The following CRYBG3 variants were observed in gnomAD, a reference collection of about 807,000 sequenced individuals.
CRYBG3 encodes the protein crystallin beta-gamma domain containing 3.
A neutral mutation model predicts 244.2 loss-of-function variants in CRYBG3; 127 were observed. The observed-to-expected ratio is 0.52, with a 90% CI of 0.45 to 0.60. The LOEUF is 0.60. Among genes scored for constraint, CRYBG3 ranks in the 20% least tolerant of loss-of-function variants. The pLI is 0.00. For synonymous variants in CRYBG3, 1,132 were observed against 1,195.8 expected (o/e 0.95, Z 1.10); for missense variants, 3,325 against 3,442.5 (o/e 0.97, Z 0.85).
chr3:97,915,792 T>C, intron 17 of CRYBG3, 56 bp downstream of exon 17: 6 of 1,344,874 alleles, frequency 4.5e-6, no homozygotes, highest in Non-Finnish European at 5.2e-6. Context: ...CCAGTTTAAT[T>C]ACCACCAATG....
At chr3:97,940,870 C>T (rs2040220545) in intron 19 of CRYBG3, among the ~76,000 whole-genome samples, 1 of 151,938 alleles carries the variant, frequency 6.6e-6, no homozygotes, top group African/African-American at 2.4e-5. Flanking sequence ...CACCCCACTC[C>T]TCACCACATG....
chr3:97,823,244 G>A (rs2038531920), intron 1 of CRYBG3, among the ~76,000 whole-genome samples: 2 of 152,112 alleles, frequency 1.3e-5, no homozygotes, highest in South Asian at 4.1e-4. Flanking sequence ...CTTATGAGAG[G>A]CTTACACTGT....
chr3:97,857,572 T>C (rs899216396), intron 2 of CRYBG3, among the ~76,000 whole-genome samples: 3 of 152,128 alleles, frequency 2.0e-5, no homozygotes, highest in South Asian at 2.1e-4. Flanking sequence ...TTACATCGTC[T>C]TGTTGAATGG....
At chr3:97,839,135 A>T (rs969117331) in intron 1 of CRYBG3, among the ~76,000 whole-genome samples, 1 of 152,116 alleles carries the variant, frequency 6.6e-6, no homozygotes, top group Non-Finnish European at 1.5e-5. Flanking sequence ...TGCTTTCTAA[A>T]AATATTCCTA....
chr3:97,883,401 CT>C (rs2039472647), intron 7 of CRYBG3, among the ~76,000 whole-genome samples: 2 of 152,058 alleles, frequency 1.3e-5, no homozygotes. Flanking sequence ...TGGTTTTGTG[CT>C]TTCTTTGTGA....
At chr3:97,897,437 T>G (rs1253171735) in intron 12 of CRYBG3, among the ~76,000 whole-genome samples, 1 of 152,052 alleles carries the variant, frequency 6.6e-6, no homozygotes, top group East Asian at 1.9e-4. Flanking sequence ...CTTTAAAATA[T>G]AAAATGGAAT....
At chr3:97,911,484 T>C (rs571552196) in intron 15 of CRYBG3, among the ~76,000 whole-genome samples, 1 of 152,348 alleles carries the variant, frequency 6.6e-6, no homozygotes, top group South Asian at 2.1e-4. Flanking sequence ...GACATGTAGT[T>C]GTATATAACT....
chr3:97,940,584 A>G (rs1330873509), intron 19 of CRYBG3, among the ~76,000 whole-genome samples: 1 of 151,976 alleles, frequency 6.6e-6, no homozygotes, highest in Non-Finnish European at 1.5e-5. Flanking sequence ...TTGTTACACA[A>G]TTTTTGAGTA....
At chr3:97,853,576 T>C (rs2039020287) in intron 2 of CRYBG3, among the ~76,000 whole-genome samples, 1 of 152,158 alleles carries the variant, frequency 6.6e-6, no homozygotes, top group South Asian at 2.1e-4. Context: ...AGATACCCAG[T>C]TGTGGGATTG....
chr3:97,838,626 A>C (rs2038769143), intron 1 of CRYBG3, among the ~76,000 whole-genome samples: 1 of 151,580 alleles, frequency 6.6e-6, no homozygotes, highest in Non-Finnish European at 1.5e-5. Flanking sequence ...ACATTGTGCA[A>C]CCCCCAGCAC....
intron 3 of CRYBG3, among the ~76,000 whole-genome samples, chr3:97,865,794 G>T (rs1395278905): frequency 1.3e-5 from 2 of 152,082 alleles, no homozygotes; most frequent in African/African-American, 2.4e-5. Context: ...CAATAAAAAA[G>T]TTAAATTGTA....
chr3:97,934,970 T>G (rs1002491807), intron 18 of CRYBG3, among the ~76,000 whole-genome samples: 3 of 152,078 alleles, frequency 2.0e-5, no homozygotes, highest in Non-Finnish European at 2.9e-5. Flanking sequence ...TTGACATTCT[T>G]ATTTCTTCTC....
intron 3 of CRYBG3, among the ~76,000 whole-genome samples, chr3:97,868,055 G>A (rs1217140673): frequency 5.3e-5 from 8 of 152,120 alleles, no homozygotes; most frequent in South Asian, 2.1e-4. Context: ...AGGCCGAGGC[G>A]GGCGGATCAC....
At chr3:97,863,984 G>A (rs116095039) in intron 2 of CRYBG3, among the ~76,000 whole-genome samples, 1,641 of 152,118 alleles carry the variant, frequency 0.011, 29 homozygotes, top group African/African-American at 0.038. Context: ...CTCGTGCTCT[G>A]GGCTCCCATG....
intron 2 of CRYBG3, among the ~76,000 whole-genome samples, chr3:97,851,734 C>T (rs2038988470): frequency 6.6e-6 from 1 of 152,122 alleles, no homozygotes; most frequent in African/African-American, 2.4e-5. Context: ...CTATATCCAC[C>T]AAGACCTTGA....
At chr3:97,824,392 G>A (rs146182287) in intron 1 of CRYBG3, among the ~76,000 whole-genome samples, 1 of 152,230 alleles carries the variant, frequency 6.6e-6, no homozygotes, top group Non-Finnish European at 1.5e-5. Context: ...ATGAAGAGGA[G>A]TACAAAATTA....
chr3:97,863,843 T>G (rs77810776), intron 2 of CRYBG3, among the ~76,000 whole-genome samples: 5,303 of 152,238 alleles, frequency 0.035, 297 homozygotes, highest in African/African-American at 0.12. Flanking sequence ...GACACCTCAC[T>G]AAAAACACAC....
chr3:97,828,842 A>AAT (rs1553700127), intron 1 of CRYBG3, among the ~76,000 whole-genome samples: 1 of 151,546 alleles, frequency 6.6e-6, no homozygotes, highest in African/African-American at 2.4e-5. Context: ...AAAAAAAAAA[A>AAT]AAATAACAAA....
At chr3:97,850,241 G>A (rs771213258) in intron 2 of CRYBG3, among the ~76,000 whole-genome samples, 1 of 152,014 alleles carries the variant, frequency 6.6e-6, no homozygotes, top group Non-Finnish European at 1.5e-5. Flanking sequence ...CATACCCATT[G>A]ATACTATATA....
Sources: allele counts gnomAD v4.1 joint callset (sites outside exome capture counted in the v4.1 genomes callset), GRCh38; gene constraint gnomAD v4.1.1; transcripts MANE v1.5; gene names NCBI Gene and HGNC (gene_info 2026-07-23, HGNC 2026-07-21).